Variants in SLC14A2 observed in about 807,000 individuals in gnomAD.
The protein encoded by SLC14A2 is urea transporter 2.
In SLC14A2, 91 loss-of-function variants were observed where a neutral mutation model predicts 104.6. The observed-to-expected ratio is 0.87, with a 90% CI of 0.73 to 1.04. The LOEUF (loss-of-function observed/expected upper bound fraction) is 1.04, where lower values mean the gene tolerates loss of function less well. Among genes scored for constraint, SLC14A2 ranks in the 50% least tolerant of loss-of-function variants. The probability of loss-of-function intolerance (pLI) is 0.00; values close to 1 mark genes in which losing one functional copy is unlikely to be tolerated. For synonymous variants in SLC14A2, 476 were observed against 466.4 expected (o/e 1.02, Z -0.27); for missense variants, 1,189 against 1,156.0 (o/e 1.03, Z -0.41).
At chr18:45,485,366 T>G (rs1368930001) in intron 2 of SLC14A2, 3 of 152,176 alleles carry the variant, frequency 2.0e-5, no homozygotes, top group Non-Finnish European at 2.9e-5. Context: ...TCTAGGAAAA[T>G]TATTCTTTTT....
At chr18:45,612,395 T>G (rs532909359), upstream of SLC14A2, among the ~76,000 whole-genome samples, 4 of 152,356 alleles carry the variant, frequency 2.6e-5, no homozygotes, top group African/African-American at 9.6e-5. Context: ...ATCTCTCTAC[T>G]GCCTGAATTC....
Position 45,223,816 on chromosome 18 carries a change from C to T in SLC14A2, c.-125+10625C>T, listed in dbSNP as rs528266378. 2.0e-5 allele frequency among the ~76,000 whole-genome samples: 3 copies of T among 152,320 alleles called. No individual in the cohort carries two copies. The East Asian group carries it at 5.8e-4, about 29-fold the overall frequency. On this transcript the variant is annotated intron_variant, in intron 1 of 20. Transcript: ENST00000586448. ...TTTGGAAACCCAGAGACCTTCAAGG[C>T]TCTAGACTCTTCTGAGCTGAAGTTG... is the stretch of plus-strand genomic sequence containing the variant.
At chr18:45,252,117 C>T (rs2084429823) in intron 1 of SLC14A2, among the ~76,000 whole-genome samples, 1 of 152,158 alleles carries the variant, frequency 6.6e-6, no homozygotes, top group African/African-American at 2.4e-5. Context: ...GAGAATCCTA[C>T]CAAGGGTGTG....
chr18:45,503,439 G>A (rs554779342), intron 2 of SLC14A2, among the ~76,000 whole-genome samples: 11 of 152,290 alleles, frequency 7.2e-5, no homozygotes, highest in Non-Finnish European at 1.0e-4. Context: ...TCACACCAAC[G>A]TGACTAACTC....
intron 2 of SLC14A2, among the ~76,000 whole-genome samples, chr18:45,524,126 T>C (rs1294442688): frequency 1.3e-5 from 2 of 152,248 alleles, no homozygotes; most frequent in Non-Finnish European, 2.9e-5. Context: ...GGATGGAGCC[T>C]GGTCCTTAGT....
chr18:45,555,153 G>C (rs1225585706), intron 2 of SLC14A2, among the ~76,000 whole-genome samples: 3 of 152,184 alleles, frequency 2.0e-5, no homozygotes, highest in African/African-American at 7.2e-5. Context: ...CAGCTATAAG[G>C]GTTCCAGGAG....
At chr18:45,493,810 C>A (rs2043042628) in intron 2 of SLC14A2, among the ~76,000 whole-genome samples, 1 of 152,196 alleles carries the variant, frequency 6.6e-6, no homozygotes, top group Non-Finnish European at 1.5e-5. Flanking sequence ...ATACATTAGG[C>A]ATTTAATGAA....
intron 7 of SLC14A2, among the ~76,000 whole-genome samples, chr18:45,640,331 T>A (rs2045502421): frequency 6.6e-6 from 1 of 151,168 alleles, no homozygotes; most frequent in Non-Finnish European, 1.5e-5. Context: ...CAAGTTGGCC[T>A]GCAAACTGAG....
intron 2 of SLC14A2, among the ~76,000 whole-genome samples, chr18:45,534,044 T>C (rs1340393214): frequency 1.3e-5 from 2 of 152,170 alleles, no homozygotes; most frequent in Non-Finnish European, 2.9e-5. Flanking sequence ...TTTTGAGCTG[T>C]CCCAGTTCTT....
chr18:45,488,073 T>C (rs527720874), intron 2 of SLC14A2, among the ~76,000 whole-genome samples: 2 of 152,270 alleles, frequency 1.3e-5, no homozygotes, highest in Non-Finnish European at 2.9e-5. Context: ...TACAAAGTGG[T>C]CCTAGACTCA....
rs145047395 is a variant in SLC14A2 at position 45,388,627 on chromosome 18, C to G, written c.-124-94606C>G. On this transcript the variant is annotated intron_variant, in intron 1 of 20. Coordinates refer to the SLC14A2 transcript ENST00000586448. ...AGATGCTGAATCTCTAATCCTTTCTCTCTGCCACCCGCCCTTATATTCCCC... is the reference window on the plus strand; with the variant it reads ...AGATGCTGAATCTCTAATCCTTTCTGTCTGCCACCCGCCCTTATATTCCCC... Among the ~76,000 whole-genome samples the G allele has an allele frequency of 2.6e-5, 4 of 152,270 alleles. No homozygotes were observed. The East Asian group carries it at 7.7e-4, about 29-fold the overall frequency.
intron 1 of SLC14A2, among the ~76,000 whole-genome samples, chr18:45,281,888 T>C (rs2084766374): frequency 6.6e-6 from 1 of 152,180 alleles, no homozygotes; most frequent in Non-Finnish European, 1.5e-5. Flanking sequence ...TCACCAGAGC[T>C]CAGTGGCTCA....
At chr18:45,506,775 A>G (rs2043293313) in intron 2 of SLC14A2, among the ~76,000 whole-genome samples, 2 of 152,220 alleles carry the variant, frequency 1.3e-5, no homozygotes, top group Non-Finnish European at 1.5e-5. Flanking sequence ...CTTATGCTGA[A>G]GTACCGAGTT....
At chr18:45,663,622 A>G (rs2045965639) in intron 10 of SLC14A2, among the ~76,000 whole-genome samples, 163 bp from the exon 11 acceptor site, 1 of 152,198 alleles carries the variant, frequency 6.6e-6, no homozygotes, top group South Asian at 2.1e-4. Flanking sequence ...GAAATAGAGA[A>G]GCTAAGTGTT....
intron 2 of SLC14A2, among the ~76,000 whole-genome samples, chr18:45,532,895 T>A (rs2043718948): frequency 6.6e-6 from 1 of 152,038 alleles, no homozygotes; most frequent in Non-Finnish European, 1.5e-5. Context: ...TTATTGAGAG[T>A]TTTTAGCATG....
intron 1 of SLC14A2, among the ~76,000 whole-genome samples, chr18:45,246,476 A>G (rs1366822506): frequency 6.6e-6 from 1 of 152,238 alleles, no homozygotes; most frequent in Non-Finnish European, 1.5e-5. Flanking sequence ...TAGTATTAGT[A>G]TCTTACAGTG....
rs2144339692 is a variant in SLC14A2 at position 45,572,716 on chromosome 18, T to C, written c.-34-51915T>C. On this transcript the variant is annotated intron_variant, in intron 2 of 20. Coordinates refer to the SLC14A2 transcript ENST00000586448. ...CTTCTGAGGTTATTGTCATCGTATA[T>C]ACCACTTATTGGGGCACTTCAGGTA... Among the ~76,000 whole-genome samples, 4 of 152,336 alleles carry C rather than the reference T, an allele frequency of 2.6e-5. 1 individual carries two copies. In the South Asian group the frequency reaches 8.3e-4, roughly 32 times the overall value.
At chr18:45,240,331 G>A (rs1004702737) in intron 1 of SLC14A2, among the ~76,000 whole-genome samples, 2 of 151,776 alleles carry the variant, frequency 1.3e-5, no homozygotes, top group Non-Finnish European at 2.9e-5. Context: ...TCCTGACCTC[G>A]TGATCAGCCC....
At chr18:45,585,330 T>C (rs1218742470) in intron 2 of SLC14A2, among the ~76,000 whole-genome samples, 1 of 152,228 alleles carries the variant, frequency 6.6e-6, no homozygotes, top group African/African-American at 2.4e-5. Flanking sequence ...CATTTAGTGA[T>C]ATATTTTGAT....
Sources: gnomAD v4.1 joint callset for allele counts (sites outside exome capture counted in the v4.1 genomes callset) on GRCh38, gnomAD v4.1.1 for gene constraint, MANE v1.5 for transcripts, NCBI Gene and HGNC (gene_info 2026-07-23, HGNC 2026-07-21) for gene names.